PSD3: variants seen among roughly 807,000 people sequenced by gnomAD.
PSD3 encodes the protein PH and SEC7 domain-containing protein 3.
In PSD3, 49 loss-of-function variants were observed where a neutral mutation model predicts 105.5. The observed-to-expected ratio is 0.46, with a 90% CI of 0.37 to 0.59. The LOEUF (loss-of-function observed/expected upper bound fraction) is 0.59. Ranked by LOEUF, PSD3 falls within the 20% of genes least tolerant of loss-of-function variation. The pLI, the probability that PSD3 is intolerant of heterozygous loss-of-function variation, is 0.00. For missense variants in PSD3, 1,561 were observed against 1,263.8 expected (o/e 1.24, Z -3.57); for synonymous variants, 557 against 457.8 (o/e 1.22, Z -2.77).
At chr8:19,003,750 G>C (rs1349512046) in intron 1 of PSD3, among the ~76,000 whole-genome samples, 3 of 151,836 alleles carry the variant, frequency 2.0e-5, no homozygotes, top group South Asian at 2.1e-4. Flanking sequence ...GGCAGGGGGT[G>C]GGGGGTTGGG....
intron 1 of PSD3, among the ~76,000 whole-genome samples, chr8:19,069,391 T>C (rs1393404015): frequency 6.6e-6 from 1 of 152,012 alleles, no homozygotes; most frequent in Non-Finnish European, 1.5e-5. Context: ...GGAAAAGGAA[T>C]AGAATTGGAA....
intron 4 of PSD3, among the ~76,000 whole-genome samples, chr8:18,826,169 CAT>C (rs1813169821): frequency 6.6e-6 from 1 of 152,210 alleles, no homozygotes; most frequent in Non-Finnish European, 1.5e-5. Context: ...CTCAGGCTTT[CAT>C]ACTCAGACTA....
intron 11 of PSD3, among the ~76,000 whole-genome samples, chr8:18,617,126 G>A (rs1307769300): frequency 6.6e-6 from 1 of 152,260 alleles, no homozygotes; most frequent in Non-Finnish European, 1.5e-5. Context: ...ACCTTCAGAG[G>A]GTGATGGGGA....
chr8:18,859,676 C>T (rs1241901418), intron 4 of PSD3, among the ~76,000 whole-genome samples: 1 of 152,172 alleles, frequency 6.6e-6, no homozygotes, highest in African/African-American at 2.4e-5. Context: ...TTTTATGTTA[C>T]GGAGATAGCT....
chr8:18,755,418 A>G lies in PSD3; in HGVS notation c.2172+10031T>C, dbSNP rs545122100. Among the ~76,000 whole-genome samples, 4 of 140,664 alleles carry G rather than the reference A, an allele frequency of 2.8e-5. No individual in the cohort carries two copies. In the East Asian group the frequency reaches 6.3e-4, roughly 22 times the overall value. 92.3% of individuals were successfully genotyped at this position (140,664 alleles called of 152,430 possible). On this transcript the variant is annotated intron_variant, in intron 9 of 15. Transcript: ENST00000327040. ...GCACTCCTGCCTGGGCAACAGAGTG[A>G]GACCCTGTCTCAACATAACATAACA...
At chr8:18,959,792 C>T (rs941610260) in intron 1 of PSD3, among the ~76,000 whole-genome samples, 2 of 152,214 alleles carry the variant, frequency 1.3e-5, no homozygotes, top group Admixed American at 6.5e-5. Context: ...TCTGTTAACA[C>T]AAGGCAGAAA....
At chr8:18,716,549 G>A (rs75455129) in intron 9 of PSD3, among the ~76,000 whole-genome samples, 7,179 of 152,182 alleles carry the variant, frequency 0.047, 235 homozygotes, top group Non-Finnish European at 0.074. Context: ...CAGTGGGAGA[G>A]GAAATAATGA....
At chr8:19,057,639 T>C (rs1828753984) in intron 1 of PSD3, among the ~76,000 whole-genome samples, 1 of 152,160 alleles carries the variant, frequency 6.6e-6, no homozygotes, top group Admixed American at 6.5e-5. Context: ...ATTTGCTTCA[T>C]CTAGCAACTA....
At chr8:18,752,625 T>TTA (rs376621151) in intron 9 of PSD3, among the ~76,000 whole-genome samples, 1 of 91,536 alleles carries the variant, frequency 1.1e-5, no homozygotes, top group Non-Finnish European at 1.9e-5. Flanking sequence ...ATAATATATA[T>TTA]TATATATAAT....
intron 11 of PSD3, among the ~76,000 whole-genome samples, chr8:18,600,637 T>A (rs1390211461): frequency 6.6e-6 from 1 of 152,186 alleles, no homozygotes. Context: ...ATATTTACAA[T>A]GCTCCTACCA....
At position 18,813,804 on chromosome 8, in the gene PSD3, C is replaced by A. The variant is rs562181737; in HGVS notation, c.1635-8906G>T. The stretch of plus-strand genomic sequence containing the variant: ...ATAAAACAGATAATAGTATCATATT[C>A]ACAAGCTGTTGTGAAGATGAGATGA... On this transcript the variant is annotated intron_variant, in intron 4 of 15. Transcript: ENST00000327040. Among the ~76,000 whole-genome samples, 327 of 152,226 alleles carry A rather than the reference C, an allele frequency of 2.1e-3. 1 individual carries two copies. Among genetic ancestry groups the A allele is most frequent in the Middle Eastern group, 6.8e-3 (2 of 294 alleles).
chr8:18,541,700 G>C (rs1262409407), intron 15 of PSD3, among the ~76,000 whole-genome samples: 1 of 151,820 alleles, frequency 6.6e-6, no homozygotes, highest in East Asian at 1.9e-4. Flanking sequence ...GAGAAACGTA[G>C]GTTATATTAC....
chr8:18,543,909 C>A (rs1471585180), intron 15 of PSD3, among the ~76,000 whole-genome samples: 1 of 152,008 alleles, frequency 6.6e-6, no homozygotes, highest in East Asian at 1.9e-4. Context: ...CTCCTTTTGA[C>A]CTCTGATACA....
At chr8:18,877,423 T>C (rs953811401) in intron 2 of PSD3, among the ~76,000 whole-genome samples, 1 of 152,192 alleles carries the variant, frequency 6.6e-6, no homozygotes, top group East Asian at 1.9e-4. Context: ...GAAAAGACTA[T>C]TCTTTACCCA....
At chr8:19,020,123 C>T (rs1162167705) in intron 1 of PSD3, among the ~76,000 whole-genome samples, 1 of 152,164 alleles carries the variant, frequency 6.6e-6, no homozygotes, top group Admixed American at 6.5e-5. Context: ...CTACCATGTG[C>T]TAGGTATAGT....
chr8:19,013,569 G>C lies in PSD3; in HGVS notation c.15C>G (p.Ser5Arg). The change falls in exon 1 of 16, where the codon AGC (serine) becomes AGG (arginine). Residue 5 changes from serine to arginine, a missense_variant. Transcript: ENST00000327040. MEGR[S>R]AAAETFVWVN... is the part of the protein sequence containing the mutation. The stretch of plus-strand genomic sequence containing the variant: ...CCCCGGCCCCGGAGCTCACCGCTGC[G>C]CTCCTTCCTTCCATCTTCCATCGCC... The C allele has an allele frequency of 1.9e-6, 3 of 1,550,890 alleles. No homozygotes were observed. Among genetic ancestry groups the C allele is most frequent in the Non-Finnish European group, 1.7e-6 (2 of 1,157,450 alleles).
At chr8:18,966,132 T>A (rs1462779612) in intron 1 of PSD3, among the ~76,000 whole-genome samples, 1 of 151,976 alleles carries the variant, frequency 6.6e-6, no homozygotes, top group Admixed American at 6.6e-5. Flanking sequence ...CAGTAAAGAG[T>A]TGACTATACC....
chr8:18,867,366 A>G (rs1586271776), intron 4 of PSD3, among the ~76,000 whole-genome samples: 2 of 152,180 alleles, frequency 1.3e-5, no homozygotes. Flanking sequence ...GTTTCACAGC[A>G]CCACGTCTCT....
At chr8:18,934,741 A>G (rs1014852182) in intron 2 of PSD3, among the ~76,000 whole-genome samples, 1 of 152,240 alleles carries the variant, frequency 6.6e-6, no homozygotes, top group Non-Finnish European at 1.5e-5. Context: ...CACACAGTTT[A>G]TAAGTTCAAG....
Sources: gnomAD v4.1 joint callset for allele counts (sites outside exome capture counted in the v4.1 genomes callset) on GRCh38, gnomAD v4.1.1 for gene constraint, MANE v1.5 for transcripts, NCBI Gene and HGNC (gene_info 2026-07-23, HGNC 2026-07-21) for gene names.